The following PFKL variants were observed in gnomAD, a reference collection of about 807,000 sequenced individuals.
PFKL encodes the protein phosphofructokinase, liver type.
Under a neutral mutation model 92.1 loss-of-function variants are expected in PFKL, and 74 were observed. The ratio of observed to expected loss-of-function variants is 0.80; its 90% CI spans 0.67 to 0.97. The LOEUF is 0.97. PFKL is among the 50% of genes least tolerant of loss of function. PFKL has a pLI of 0.00. For missense variants in PFKL, 1,028 were observed against 1,116.6 expected (o/e 0.92, Z 1.13); for synonymous variants, 494 against 456.4 (o/e 1.08, Z -1.05).
intron 1 of PFKL, chr21:44,305,258 C>A: frequency 7.5e-7 from 1 of 1,326,140 alleles, no homozygotes; most frequent in Non-Finnish European, 1.0e-6. Context: ...TTTCTCAAGG[C>A]GTGGCACCTC....
intron 2 of PFKL, among the ~76,000 whole-genome samples, chr21:44,309,317 C>T (rs1230203844): frequency 6.6e-6 from 1 of 152,080 alleles, no homozygotes; most frequent in Non-Finnish European, 1.5e-5. Flanking sequence ...CTCTTATCCC[C>T]CCAGGCAGAG....
intron 4 of PFKL, 120 bp from the exon 5 acceptor site, chr21:44,312,858 G>C (rs1176637073): frequency 1.0e-5 from 11 of 1,079,882 alleles, no homozygotes; most frequent in African/African-American, 1.6e-5. Flanking sequence ...CTGGAACTCC[G>C]GGGCCCCTGC....
At chr21:44,313,505 G>C in intron 5 of PFKL, 133 bp from the exon 6 acceptor site, 1 of 836,896 alleles carries the variant, frequency 1.2e-6, no homozygotes, top group Non-Finnish European at 1.9e-6. Flanking sequence ...TTTTAGCTCA[G>C]AGCCTGGGCA....
chr21:44,322,817 G>A, intron 14 of PFKL, 145 bp from the exon 15 acceptor site: 1 of 552,076 alleles, frequency 1.8e-6, no homozygotes, highest in South Asian at 2.2e-5. Flanking sequence ...TCTCCGTGTG[G>A]AGCCACAGCG....
At position 44,325,105 on chromosome 21, in the gene PFKL, G is replaced by T. The variant is rs535297292; in HGVS notation, c.1878-48G>T. The stretch of plus-strand genomic sequence containing the variant: ...CCCAGCGGGGACTCAGGATCGGGGG[G>T]AGACCTGAACTCGTTCCCGCCGACT... On this transcript the variant is annotated intron_variant, in intron 18 of 21. Transcript: ENST00000349048. 2.9e-6 allele frequency: 4 copies of T among 1,380,146 alleles called. No homozygotes were observed. The Admixed American group carries it at 5.1e-5, about 18-fold the overall frequency. The allele number at this position is 1,380,146 out of a possible 1,614,324, so 85.5% of individuals were successfully genotyped here. A position where few individuals can be genotyped will look rare whatever the true frequency, so the allele number is the denominator to read the frequency against.
At chr21:44,314,146 GC>G in intron 7 of PFKL, 125 bp downstream of exon 7, 1 of 693,498 alleles carries the variant, frequency 1.4e-6, no homozygotes, top group Non-Finnish European at 2.5e-6. Flanking sequence ...AGCTGCAGGT[GC>G]CCCTTGGGGG....
intron 1 of PFKL, chr21:44,304,333 G>A (rs773905794): frequency 1.6e-6 from 2 of 1,287,748 alleles, no homozygotes; most frequent in African/African-American, 1.5e-5. Context: ...GGGCTGACCC[G>A]CCCAGTGGCA....
At chr21:44,311,378 G>A (rs191758148) in intron 3 of PFKL, among the ~76,000 whole-genome samples, 51 of 150,934 alleles carry the variant, frequency 3.4e-4, no homozygotes, top group Admixed American at 2.2e-3. Flanking sequence ...ACACAGACGC[G>A]CACACAGACA....
intron 1 of PFKL, chr21:44,305,763 C>T (rs1461118782): frequency 7.3e-7 from 1 of 1,363,906 alleles, no homozygotes; most frequent in Admixed American, 1.9e-5. Flanking sequence ...ACCAGCGTTT[C>T]CTGAGTGCCG....
At position 44,313,011 on chromosome 21, in the gene PFKL, C is replaced by G; in HGVS notation, c.461C>G (p.Ser154Trp). 1.9e-6 allele frequency: 3 copies of G among 1,613,088 alleles called. No individual in the cohort carries two copies. The highest frequency in any genetic ancestry group is 1.7e-5 in the Admixed American group (1 of 60,018). ...TCAGAGACTACAGCCCGGACCTACTCGCACCTGAACATCGCGGGCCTAGTG... is the reference window on the plus strand; with the variant it reads ...TCAGAGACTACAGCCCGGACCTACTGGCACCTGAACATCGCGGGCCTAGTG... ...KISETTARTY[S>W]HLNIAGLVGS... Residue 154 changes from serine (S) to tryptophan (W), a missense_variant, in exon 5 of 22, where the codon TCG (serine) becomes TGG (tryptophan). Coordinates refer to ENST00000349048, the MANE Select transcript of PFKL (RefSeq NM_002626.6).
intron 5 of PFKL, 121 bp downstream of exon 5, chr21:44,313,264 C>A: frequency 8.8e-7 from 1 of 1,138,888 alleles, no homozygotes; most frequent in Non-Finnish European, 1.2e-6. Context: ...AGCATCCAGG[C>A]CAGCCGCCCT....
At position 44,325,141 on chromosome 21, in the gene PFKL, T is replaced by C; in HGVS notation, c.1878-12T>C. ...TCGTTCCCGCCGACTCAGGCCCTGC[T>C]GCCCCTCTCAGGAACGAGAAGTGCC... On this transcript the variant is annotated splice_polypyrimidine_tract_variant and intron_variant, in intron 18 of 21. Transcript: ENST00000349048. 6.4e-7 allele frequency: 1 copy of C among 1,574,276 alleles called. No individual in the cohort carries two copies. The highest frequency in any genetic ancestry group is 8.7e-7 in the Non-Finnish European group (1 of 1,144,584).
intron 1 of PFKL, among the ~76,000 whole-genome samples, chr21:44,303,425 G>A (rs970521442): frequency 0.25 from 16,172 of 65,478 alleles, 2,791 homozygotes; most frequent in African/African-American, 0.38. Flanking sequence ...AAAAAAAACA[G>A]ACTTGACCAA....
Position 44,310,184 on chromosome 21 carries a change from T to C in PFKL, c.160-822T>C, listed in dbSNP as rs544865358. Among the ~76,000 whole-genome samples, 241 of 152,318 alleles carry C rather than the reference T, an allele frequency of 1.6e-3. 1 individual carries two copies. Among genetic ancestry groups the C allele is most frequent in the African/African-American group, 5.5e-3 (229 of 41,564 alleles). ...CCACACCCTTAGTGAAATGCAGTCATGAGTGTCCCTCCCCTCAAACAACAA... is the reference window on the plus strand; with the variant it reads ...CCACACCCTTAGTGAAATGCAGTCACGAGTGTCCCTCCCCTCAAACAACAA... On this transcript the variant is annotated intron_variant, in intron 2 of 21. Transcript: ENST00000349048.
chr21:44,319,485 G>C, intron 11 of PFKL, 70 bp downstream of exon 11: 5 of 1,294,548 alleles, frequency 3.9e-6, no homozygotes, highest in Non-Finnish European at 5.6e-6. Context: ...ATGTGCTGCA[G>C]TGGCGCTATG....
chr21:44,314,126 G>C (rs1438652713), intron 7 of PFKL, 105 bp downstream of exon 7: 7 of 764,578 alleles, frequency 9.2e-6, no homozygotes, highest in Middle Eastern at 4.6e-4. Context: ...TCACTCATGG[G>C]TTCATCAGCA....
chr21:44,321,860 C>T lies in PFKL; in HGVS notation c.1323C>T (p.Gly441=), dbSNP rs761462659. Reference sequence around the variant, plus strand: ...ACGTGGTGCACGATGGCTTCGAAGGCCTAGCCAAGGGTCAGGTGGGTCCGG... The same window carrying T: ...ACGTGGTGCACGATGGCTTCGAAGGTCTAGCCAAGGGTCAGGTGGGTCCGG... The part of the protein sequence containing the change: ...TVYVVHDGFE[G]LAKGQVQEVG... Residue 441 remains glycine, a synonymous_variant, in exon 13 of 22, where the codon GGC becomes GGT. Coordinates refer to ENST00000349048, the MANE Select transcript of PFKL (RefSeq NM_002626.6). 4 of 1,552,238 alleles carry T rather than the reference C, an allele frequency of 2.6e-6. No individual in the cohort carries two copies. In the East Asian group the frequency reaches 9.2e-5, roughly 36 times the overall value.
rs1444069106 is a variant in PFKL, at chr21:44,318,484, C to T, written c.951C>T (p.Gly317=). ...CTTCCCCACAGAGCAGCAAGATGGG[C>T]ATGGAGGCGGTGATGGCGCTGCTGG... is the stretch of plus-strand genomic sequence containing the variant. ...AFDRILSSKM[G]MEAVMALLEA... is the part of the protein sequence containing the mutation. Residue 317 remains glycine (G), a synonymous_variant, in exon 10 of 22, where the codon GGC becomes GGT. Transcript: ENST00000349048. 5 of 1,560,210 alleles carry T rather than the reference C, an allele frequency of 3.2e-6. No homozygotes were observed. Among genetic ancestry groups the T allele is most frequent in the East Asian group, 2.4e-5 (1 of 42,016 alleles).
intron 1 of PFKL, among the ~76,000 whole-genome samples, chr21:44,300,870 G>A (rs1224075424): frequency 2.6e-5 from 4 of 152,226 alleles, no homozygotes; most frequent in African/African-American, 9.6e-5. Context: ...CTCCCTCCCG[G>A]AGGCCTGGTC....
Sources: gnomAD v4.1 joint callset for allele counts (sites outside exome capture counted in the v4.1 genomes callset) on GRCh38, gnomAD v4.1.1 for gene constraint, MANE v1.5 for transcripts, NCBI Gene and HGNC (gene_info 2026-07-23, HGNC 2026-07-21) for gene names.